Variants in ADGRL2 observed in about 807,000 individuals in gnomAD.
ADGRL2 encodes the protein adhesion G protein-coupled receptor L2.
ADGRL2 carries 44 observed loss-of-function variants against 157.4 expected under a neutral mutation model. The ratio of observed to expected loss-of-function variants is 0.28; its 90% CI spans 0.22 to 0.36. ADGRL2 has a LOEUF of 0.36. Ranked by LOEUF, ADGRL2 falls within the 10% of genes least tolerant of loss-of-function variation. The pLI, the probability that ADGRL2 is intolerant of heterozygous loss-of-function variation, is 1.00. For synonymous variants in ADGRL2, 585 were observed against 624.7 expected (o/e 0.94, Z 0.95); for missense variants, 1,510 against 1,768.9 (o/e 0.85, Z 2.63).
chr1:81,986,726 C>G (rs1663241876), intron 21 of ADGRL2, among the ~76,000 whole-genome samples, 175 bp from the exon 22 acceptor site: 1 of 152,000 alleles, frequency 6.6e-6, no homozygotes, highest in African/African-American at 2.4e-5. Context: ...TCTCCCTTCT[C>G]TCCTGCAAAT....
chr1:81,794,623 A>G (rs960764911), intron 2 of ADGRL2, among the ~76,000 whole-genome samples: 22 of 152,332 alleles, frequency 1.4e-4, no homozygotes, highest in African/African-American at 5.3e-4. Flanking sequence ...TATGAATGAC[A>G]TTTTAATATG....
intron 2 of ADGRL2, among the ~76,000 whole-genome samples, chr1:81,872,640 TG>T (rs1314870739): frequency 1.3e-5 from 2 of 152,108 alleles, no homozygotes; most frequent in Non-Finnish European, 2.9e-5. Context: ...AATACTCACA[TG>T]TCAGACTAAG....
At chr1:81,626,038 G>A (rs1415552702) in intron 3 of ADGRL2, among the ~76,000 whole-genome samples, 1 of 152,132 alleles carries the variant, frequency 6.6e-6, no homozygotes, top group Admixed American at 6.5e-5. Context: ...ACAATCCCAA[G>A]TGACACACCT....
chr1:81,614,846 T>TA (rs1491071963), intron 3 of ADGRL2, among the ~76,000 whole-genome samples: 83 of 105,632 alleles, frequency 7.9e-4, no homozygotes, highest in South Asian at 4.1e-3. Flanking sequence ...TCTCTACAAA[T>TA]TAAAAAAAAA....
chr1:81,567,108 T>C (rs1020031932), intron 2 of ADGRL2, among the ~76,000 whole-genome samples: 2 of 152,186 alleles, frequency 1.3e-5, no homozygotes, highest in South Asian at 2.1e-4. Context: ...TTATTAACAA[T>C]GTGGGGATCA....
At position 81,424,770 on chromosome 1, in the gene ADGRL2, G is replaced by T. The variant is rs568390433; in HGVS notation, c.-301-20266G>T. 3.3e-5 allele frequency among the ~76,000 whole-genome samples: 5 copies of T among 152,214 alleles called. No individual in the cohort carries two copies. The South Asian group carries it at 6.2e-4, about 19-fold the overall frequency. On this transcript the variant is annotated intron_variant, in intron 1 of 24. Transcript: ENST00000370721. ...TTTATTCTTACCCTCCAGTGTAAAA[G>T]TCTGCCCAGTTACCTTCCAACTTTA...
chr1:81,467,265 CT>C (rs2078076787), intron 2 of ADGRL2, among the ~76,000 whole-genome samples: 1 of 152,062 alleles, frequency 6.6e-6, no homozygotes, highest in African/African-American at 2.4e-5. Context: ...AAATATCTTC[CT>C]TGTGGATGTT....
At chr1:81,712,775 T>G (rs2083975652) in intron 1 of ADGRL2, among the ~76,000 whole-genome samples, 1 of 148,818 alleles carries the variant, frequency 6.7e-6, no homozygotes, top group Admixed American at 6.7e-5. Flanking sequence ...TTTTTTTTTT[T>G]TTTTTGAGAC....
chr1:81,942,178 G>A (rs1648261566), intron 5 of ADGRL2, 133 bp downstream of exon 5: 2 of 461,092 alleles, frequency 4.3e-6, no homozygotes, highest in Non-Finnish European at 8.0e-6. Context: ...ACCTCATAAG[G>A]AAGTCAACTG....
chr1:81,893,569 C>G (rs1453666980), intron 2 of ADGRL2, among the ~76,000 whole-genome samples: 2 of 152,138 alleles, frequency 1.3e-5, no homozygotes, highest in African/African-American at 4.8e-5. Context: ...TGGAACTGCT[C>G]TGTTTCCTCT....
chr1:81,920,490 C>T (rs980316071), intron 3 of ADGRL2, among the ~76,000 whole-genome samples: 16 of 152,084 alleles, frequency 1.1e-4, no homozygotes, highest in East Asian at 1.9e-4. Context: ...GGAACTGCCA[C>T]GGGCTGAAGG....
At chr1:81,446,338 T>C (rs1347804365) in intron 2 of ADGRL2, among the ~76,000 whole-genome samples, 1 of 152,076 alleles carries the variant, frequency 6.6e-6, no homozygotes, top group Non-Finnish European at 1.5e-5. Context: ...AAAAGGAACC[T>C]ACAAAACAAA....
At chr1:81,383,901 C>T (rs1466929828) in intron 1 of ADGRL2, among the ~76,000 whole-genome samples, 5 of 147,178 alleles carry the variant, frequency 3.4e-5, no homozygotes. Context: ...TTGCAGTGAG[C>T]CGAGATCACA....
intron 1 of ADGRL2, among the ~76,000 whole-genome samples, chr1:81,738,242 T>C (rs2084965674): frequency 6.6e-6 from 1 of 152,152 alleles, no homozygotes; most frequent in South Asian, 2.1e-4. Context: ...TGTCTCCCTT[T>C]CTTGGGGTCC....
At chr1:81,800,776 G>C (rs1477762834), upstream of ADGRL2, among the ~76,000 whole-genome samples, 4 of 151,698 alleles carry the variant, frequency 2.6e-5, no homozygotes, top group South Asian at 2.1e-4. Context: ...GTGGAGTTTG[G>C]GGGTGGGCTA....
At chr1:81,336,313 G>A (rs1661641381) in intron 1 of ADGRL2, among the ~76,000 whole-genome samples, 1 of 152,098 alleles carries the variant, frequency 6.6e-6, no homozygotes, top group African/African-American at 2.4e-5. Context: ...ACTAATCAAG[G>A]ATTAGAAAAG....
chr1:81,415,542 A>G (rs775841980), intron 1 of ADGRL2, among the ~76,000 whole-genome samples: 1 of 152,226 alleles, frequency 6.6e-6, no homozygotes, highest in Non-Finnish European at 1.5e-5. Context: ...GCAGTTCATA[A>G]TGATGGTTGG....
chr1:81,550,552 T>A (rs2080121191), intron 2 of ADGRL2, among the ~76,000 whole-genome samples: 1 of 152,046 alleles, frequency 6.6e-6, no homozygotes, highest in Admixed American at 6.6e-5. Context: ...CAAAGCAAAA[T>A]AAAGACAATT....
At chr1:81,422,959 T>C (rs1020624933) in intron 1 of ADGRL2, among the ~76,000 whole-genome samples, 15 of 152,230 alleles carry the variant, frequency 9.9e-5, no homozygotes, top group African/African-American at 2.9e-4. Flanking sequence ...TGCCCCTTTA[T>C]GCATTTACTA....
Sources: gnomAD v4.1 joint callset for allele counts (sites outside exome capture counted in the v4.1 genomes callset) on GRCh38, gnomAD v4.1.1 for gene constraint, MANE v1.5 for transcripts, NCBI Gene and HGNC (gene_info 2026-07-23, HGNC 2026-07-21) for gene names.